The following PDE8A variants were observed in gnomAD, a reference collection of about 807,000 sequenced individuals.
PDE8A encodes the protein phosphodiesterase 8A, also known as high affinity cAMP-specific and IBMX-insensitive 3',5'-cyclic phosphodiesterase 8A.
Under a neutral mutation model 105.0 loss-of-function variants are expected in PDE8A, and 59 were observed. The ratio of observed to expected loss-of-function variants is 0.56; its 90% CI spans 0.46 to 0.70. The LOEUF is 0.70. Among genes scored for constraint, PDE8A ranks in the 30% least tolerant of loss-of-function variants. The pLI is 0.00. For missense variants in PDE8A, 1,014 were observed against 1,045.9 expected (o/e 0.97, Z 0.42); for synonymous variants, 355 against 371.9 (o/e 0.95, Z 0.52).
At chr15:85,041,655 T>C (rs2080810333) in intron 1 of PDE8A, among the ~76,000 whole-genome samples, 1 of 152,250 alleles carries the variant, frequency 6.6e-6, no homozygotes, top group Admixed American at 6.5e-5. Flanking sequence ...AGACAACTTC[T>C]GGTCAAGATT....
At chr15:85,071,257 C>T (rs1207612818) in intron 3 of PDE8A, among the ~76,000 whole-genome samples, 1 of 152,188 alleles carries the variant, frequency 6.6e-6, no homozygotes, top group Non-Finnish European at 1.5e-5. Context: ...CTGTGTTCTG[C>T]CAAGCCTGGG....
At chr15:85,001,377 AAAAC>A (rs1391180358) in intron 1 of PDE8A, among the ~76,000 whole-genome samples, 3 of 152,048 alleles carry the variant, frequency 2.0e-5, no homozygotes, top group East Asian at 1.9e-4. Context: ...TACAAAAACA[AAAAC>A]AAAAAAAGGC....
intron 1 of PDE8A, among the ~76,000 whole-genome samples, chr15:85,004,653 GA>G (rs1406266980): frequency 6.6e-6 from 1 of 152,142 alleles, no homozygotes; most frequent in Non-Finnish European, 1.5e-5. Context: ...TACAACCAAT[GA>G]AATGGAAGAG....
intron 21 of PDE8A, among the ~76,000 whole-genome samples, chr15:85,136,929 A>G (rs1364829382): frequency 1.3e-5 from 2 of 152,124 alleles, no homozygotes; most frequent in Admixed American, 6.5e-5. Flanking sequence ...CTAGGGTTCA[A>G]AACCAATCGT....
chr15:85,009,102 AGAGAGAGAGTGTGT>A (rs919965983), intron 1 of PDE8A, among the ~76,000 whole-genome samples: 3 of 76,654 alleles, frequency 3.9e-5, no homozygotes, highest in African/African-American at 1.7e-4. Flanking sequence ...AGAGAGAGAG[AGAGAGAGAGTGTGT>A]GTGTGTGTGT....
chr15:84,980,878 G>A (rs928272672), upstream of PDE8A, among the ~76,000 whole-genome samples: 3 of 152,336 alleles, frequency 2.0e-5, no homozygotes, highest in East Asian at 1.9e-4. Flanking sequence ...CTGTAGCTTT[G>A]CGGCCGCCCC....
intron 14 of PDE8A, among the ~76,000 whole-genome samples, chr15:85,114,257 AG>A (rs2082062458): frequency 6.6e-6 from 1 of 152,182 alleles, no homozygotes; most frequent in African/African-American, 2.4e-5. Context: ...CAGAGCAGGG[AG>A]GAATGTAATC....
intron 2 of PDE8A, among the ~76,000 whole-genome samples, chr15:85,065,860 C>T (rs1028091829): frequency 2.0e-5 from 3 of 152,222 alleles, no homozygotes; most frequent in South Asian, 4.1e-4. Context: ...TGGATACAGG[C>T]CTCGCTTGCT....
rs2081189480 is a variant in PDE8A, at chr15:85,064,396, C to T, written c.213C>T (p.Gly71=). The T allele has an allele frequency of 6.2e-7, 1 of 1,609,588 alleles. No homozygotes were observed. Among genetic ancestry groups the T allele is most frequent in the African/African-American group, 1.3e-5 (1 of 74,906 alleles). Residue 71 remains glycine (G), a synonymous_variant, in exon 2 of 22, where the codon GGC becomes GGT. Transcript: ENST00000394553. ...KKVAVADVQF[G]PMRFHQDQLQ... ...TAGCAGTAGCTGATGTGCAGTTTGG[C>T]CCCATGAGATTTCATCAAGATCAAC...
At chr15:85,116,249 CAG>C (rs759140419) in intron 16 of PDE8A, 130 bp downstream of exon 16, 177 of 809,084 alleles carry the variant, frequency 2.2e-4, no homozygotes, top group Non-Finnish European at 3.0e-4. Flanking sequence ...GAAGGAGTAA[CAG>C]GGCACCAGGT....
chr15:84,989,866 TGAGA>T (rs1480245414), intron 1 of PDE8A, among the ~76,000 whole-genome samples: 9 of 152,222 alleles, frequency 5.9e-5, no homozygotes, highest in Non-Finnish European at 1.3e-4. Context: ...AGAGCAAAGT[TGAGA>T]GAATTATGCA....
chr15:85,013,732 G>A (rs2080277506), intron 1 of PDE8A, among the ~76,000 whole-genome samples: 1 of 152,198 alleles, frequency 6.6e-6, no homozygotes, highest in African/African-American at 2.4e-5. Context: ...GAGAAGCGGG[G>A]CTCAATAGTT....
chr15:84,980,612 G>A (rs2079690941), upstream of PDE8A: 1 of 152,376 alleles, frequency 6.6e-6, no homozygotes, highest in African/African-American at 2.4e-5. Flanking sequence ...GAGGCAGCCC[G>A]CTACAGGATA....
At position 85,138,348 on chromosome 15, in the gene PDE8A, A is replaced by G. The variant is rs2082446401; in HGVS notation, c.*445A>G. ...TAGAAGGTGCAATCGCTCACTTGGGAACACTACTGAGAGTGACTTCTCTTT... is the reference window on the plus strand; with the variant it reads ...TAGAAGGTGCAATCGCTCACTTGGGGACACTACTGAGAGTGACTTCTCTTT... On this transcript the variant is annotated 3_prime_UTR_variant, in exon 22 of 22. Transcript: ENST00000394553. The G allele has an allele frequency of 6.5e-6, 1 of 153,732 alleles. No individual in the cohort carries two copies. The highest frequency in any genetic ancestry group is 2.4e-5 in the African/African-American group (1 of 41,484). The allele number at this position is 153,732 out of a possible 1,614,324, so 9.5% of individuals were successfully genotyped here.
Position 85,023,748 on chromosome 15 carries a change from G to A in PDE8A, c.187-40622G>A, listed in dbSNP as rs538074372. Among the ~76,000 whole-genome samples the A allele has an allele frequency of 3.9e-5, 6 of 152,264 alleles. No homozygotes were observed. The East Asian group carries it at 1.2e-3, about 29-fold the overall frequency. On this transcript the variant is annotated intron_variant, in intron 1 of 21. Coordinates refer to ENST00000394553, the MANE Select transcript of PDE8A (RefSeq NM_002605.3). Reference sequence around the variant, plus strand: ...GTTGTGAGAAAACTTGAAATTGGTGGATGGGTTATTTATGTGGACATTGAC... The same window carrying A: ...GTTGTGAGAAAACTTGAAATTGGTGAATGGGTTATTTATGTGGACATTGAC...
At chr15:84,997,600 G>C (rs529484428) in intron 1 of PDE8A, among the ~76,000 whole-genome samples, 1 of 148,230 alleles carries the variant, frequency 6.7e-6, no homozygotes, top group East Asian at 2.0e-4. Flanking sequence ...ATCTTTTTTT[G>C]TTTTTTTTTG....
At chr15:85,006,830 G>A (rs1459933616) in intron 1 of PDE8A, among the ~76,000 whole-genome samples, 1 of 152,112 alleles carries the variant, frequency 6.6e-6, no homozygotes, top group Non-Finnish European at 1.5e-5. Flanking sequence ...TGTATATGAT[G>A]TCCCTTCTGG....
At chr15:85,108,334 C>T (rs942947688) in intron 11 of PDE8A, among the ~76,000 whole-genome samples, 2 of 152,162 alleles carry the variant, frequency 1.3e-5, no homozygotes, top group Non-Finnish European at 1.5e-5. Flanking sequence ...CTGAGCTCAG[C>T]GCCCACCCTG....
At position 85,115,422 on chromosome 15, in the gene PDE8A, T is replaced by G. The variant is rs2082080349; in HGVS notation, c.1351-17T>G. 10 of 1,517,486 alleles carry G rather than the reference T, an allele frequency of 6.6e-6. No individual in the cohort carries two copies. In the East Asian group the frequency reaches 1.2e-4, roughly 18 times the overall value. 94.0% of individuals were successfully genotyped at this position (1,517,486 alleles called of 1,614,324 possible). A position where few individuals can be genotyped will look rare whatever the true frequency, so the allele number is the denominator to read the frequency against. Reference sequence around the variant, plus strand: ...AGTTGTGACTTTTCTTTTTCTTGTTTCCTTGATTTTTATCAGGATGGTTTG... The same window carrying G: ...AGTTGTGACTTTTCTTTTTCTTGTTGCCTTGATTTTTATCAGGATGGTTTG... On this transcript the variant is annotated splice_polypyrimidine_tract_variant and intron_variant, in intron 14 of 21. Coordinates refer to ENST00000394553, the MANE Select transcript of PDE8A (RefSeq NM_002605.3).
Sources: gnomAD v4.1 joint callset for allele counts (sites outside exome capture counted in the v4.1 genomes callset) on GRCh38, gnomAD v4.1.1 for gene constraint, MANE v1.5 for transcripts, NCBI Gene and HGNC (gene_info 2026-07-23, HGNC 2026-07-21) for gene names.